PITPNM3: variants seen among roughly 807,000 people sequenced by gnomAD.
PITPNM3 encodes PITPNM family member 3.
Under a neutral mutation model 102.0 loss-of-function variants are expected in PITPNM3, and 26 were observed. The observed-to-expected ratio is 0.25, with a 90% CI of 0.19 to 0.35. PITPNM3 has a LOEUF of 0.35. Ranked by LOEUF, PITPNM3 falls within the 10% of genes least tolerant of loss-of-function variation. The pLI is 1.00. For missense variants in PITPNM3, 1,083 were observed against 1,346.1 expected (o/e 0.80, Z 3.06); for synonymous variants, 578 against 558.6 (o/e 1.03, Z -0.49).
Position 6,464,274 on chromosome 17 carries a change from T to A in PITPNM3, c.2052A>T (p.Val684=), listed in dbSNP as rs1308954254. The change falls in exon 16 of 20, where the codon GTA becomes GTT. Residue 684 remains valine, a synonymous_variant. Transcript: ENST00000262483. Reference sequence around the variant, plus strand: ...TGTTGGTGATCTCTGTGTCCAGGTGTACCCAGCGGCCTGAGGATGGCTCTG... The same window carrying A: ...TGTTGGTGATCTCTGTGTCCAGGTGAACCCAGCGGCCTGAGGATGGCTCTG... ...VMAEPSSGRW[V]HLDTEITNSS... 1 of 1,613,962 alleles carries A rather than the reference T, an allele frequency of 6.2e-7. No homozygotes were observed. The highest frequency in any genetic ancestry group is 8.5e-7 in the Non-Finnish European group (1 of 1,180,012).
intron 9 of PITPNM3, 110 bp downstream of exon 9, chr17:6,476,919 A>C: frequency 7.4e-7 from 1 of 1,360,128 alleles, no homozygotes. Context: ...CCAGCATTTC[A>C]GTGCTTATCT....
rs777202777 is a variant in PITPNM3 at position 6,455,657 on chromosome 17, G to A, written c.2620-14C>T. 1.8e-6 allele frequency: 2 copies of A among 1,118,592 alleles called. No homozygotes were observed. The highest frequency in any genetic ancestry group is 3.1e-5 in the Admixed American group (1 of 32,374). 69.3% of individuals were successfully genotyped at this position (1,118,592 alleles called of 1,614,324 possible). On this transcript the variant is annotated splice_polypyrimidine_tract_variant and intron_variant, in intron 19 of 19. Coordinates refer to ENST00000262483, the MANE Select transcript of PITPNM3 (RefSeq NM_031220.4). Reference sequence around the variant, plus strand: ...CTCGCTCAGGAACTGCGGAGGGCAGGGGAGGGCAGGGGAGGGCAGGGCAGG... The same window carrying A: ...CTCGCTCAGGAACTGCGGAGGGCAGAGGAGGGCAGGGGAGGGCAGGGCAGG...
At position 6,455,580 on chromosome 17, in the gene PITPNM3, T is replaced by C. The variant is rs1183756027; in HGVS notation, c.2683A>G (p.Lys895Glu). 2 of 1,597,558 alleles carry C rather than the reference T, an allele frequency of 1.3e-6. No homozygotes were observed. The highest frequency in any genetic ancestry group is 8.5e-7 in the Non-Finnish European group (1 of 1,178,380). The change falls in exon 20 of 20, where the codon AAG becomes GAG. Residue 895 changes from lysine to glutamate, a missense_variant. This residue lies in a region of PITPNM3 where 208 missense variants were observed against 178.2 expected (regional missense o/e 1.17). Transcript: ENST00000262483. Reference sequence around the variant, plus strand: ...AGGATCATGCGCGAGTTGTTCTTCTTTGGGCGTGAGCGGTGGCTGGCCTCC... The same window carrying C: ...AGGATCATGCGCGAGTTGTTCTTCTCTGGGCGTGAGCGGTGGCTGGCCTCC... ...ALEASHRSRP[K>E]KNNSRMILRK...
At chr17:6,551,299 G>A (rs549641841) in intron 1 of PITPNM3, among the ~76,000 whole-genome samples, 19 of 151,692 alleles carry the variant, frequency 1.3e-4, no homozygotes, top group Non-Finnish European at 2.8e-4. Context: ...GGAGCTTGCC[G>A]TGAGCTGAGC....
chr17:6,458,058 G>A lies in PITPNM3; in HGVS notation c.2491-336C>T, dbSNP rs1403214084. On this transcript the variant is annotated intron_variant, in intron 18 of 19. Coordinates refer to ENST00000262483, the MANE Select transcript of PITPNM3 (RefSeq NM_031220.4). The surrounding 1 kb of genome is among the most constrained non-coding windows in gnomAD (Gnocchi z 5.1). ...GAGTTCCAGGTTTCTGGCTCACAGGGCCAGGACTGGAGGCCAGTTCTGCCT... is the reference window on the plus strand; with the variant it reads ...GAGTTCCAGGTTTCTGGCTCACAGGACCAGGACTGGAGGCCAGTTCTGCCT... Among the ~76,000 whole-genome samples the A allele has an allele frequency of 6.6e-6, 1 of 152,134 alleles. No individual in the cohort carries two copies. Among genetic ancestry groups the A allele is most frequent in the Admixed American group, 6.5e-5 (1 of 15,288 alleles).
rs145659224 is a variant in PITPNM3, at chr17:6,544,229, G to A, written c.23-6147C>T. ...ATGGACTTAAGCAATCTGTGCCTCAGAAGAAGAAAGGGAGGCCAGGCATGG... is the reference window on the plus strand; with the variant it reads ...ATGGACTTAAGCAATCTGTGCCTCAAAAGAAGAAAGGGAGGCCAGGCATGG... On this transcript the variant is annotated intron_variant, in intron 1 of 19. Transcript: ENST00000262483. Among the ~76,000 whole-genome samples the A allele has an allele frequency of 3.9e-3, 601 of 152,340 alleles. 6 individuals carry two copies. Among genetic ancestry groups the A allele is most frequent in the African/African-American group, 0.013 (553 of 41,582 alleles).
intron 1 of PITPNM3, among the ~76,000 whole-genome samples, chr17:6,538,500 G>A (rs1179949959): frequency 6.6e-6 from 1 of 152,142 alleles, no homozygotes; most frequent in Non-Finnish European, 1.5e-5. Context: ...TCACTCATAA[G>A]TGCCACCACC....
intron 1 of PITPNM3, among the ~76,000 whole-genome samples, chr17:6,553,597 GCT>G (rs1310377976): frequency 6.6e-6 from 1 of 152,162 alleles, no homozygotes; most frequent in Admixed American, 6.5e-5. Flanking sequence ...GGGGCCCAAA[GCT>G]CTGCCTTTTC....
Position 6,471,210 on chromosome 17 carries a change from G to T in PITPNM3, c.1575C>A (p.Ser525Arg). The T allele has an allele frequency of 6.2e-7, 1 of 1,613,284 alleles. No homozygotes were observed. The change falls in exon 12 of 20, where the codon AGC becomes AGA. Residue 525 changes from serine (S) to arginine (R), a missense_variant. This residue lies in a region of PITPNM3 where 410 missense variants were observed against 638.4 expected (regional missense o/e 0.64). Coordinates refer to ENST00000262483, the MANE Select transcript of PITPNM3 (RefSeq NM_031220.4). ...GRRMSEGSSHSESSESSDSMA... is the reference protein window; with the variant it reads ...GRRMSEGSSHRESSESSDSMA... ...TGCTGTCCGAGGACTCCGAGCTCTC[G>T]CTGTGGGAGCTCCCCTCGCTCATCC...
chr17:6,545,111 C>T (rs948617683), intron 1 of PITPNM3, among the ~76,000 whole-genome samples: 13 of 152,176 alleles, frequency 8.5e-5, no homozygotes, highest in Admixed American at 2.0e-4. Flanking sequence ...CTTACCAATT[C>T]GTGATCTTAC....
In PITPNM3 at chr17:6,459,051, G is replaced by A. The variant is rs561934185; in HGVS notation, c.2491-1329C>T. Among the ~76,000 whole-genome samples, 61 of 152,260 alleles carry A rather than the reference G, an allele frequency of 4.0e-4. No homozygotes were observed. The highest frequency in any genetic ancestry group is 1.0e-3 in the South Asian group (5 of 4,834). ...CCAACTGGCCTTTGGCTCAGAGGAT[G>A]GAGCAGCCCCTCTTCGTCTGGCCCT... On this transcript the variant is annotated intron_variant, in intron 18 of 19. Coordinates refer to ENST00000262483, the MANE Select transcript of PITPNM3 (RefSeq NM_031220.4). The surrounding 1 kb of genome is among the most constrained non-coding windows in gnomAD (Gnocchi z 5.0).
intron 16 of PITPNM3, 140 bp from the exon 17 acceptor site, chr17:6,464,021 G>A (rs368939455): frequency 2.7e-5 from 42 of 1,530,298 alleles, no homozygotes; most frequent in Middle Eastern, 3.4e-4. Flanking sequence ...CTGATGCCAC[G>A]GCTGGTGACC....
intron 3 of PITPNM3, among the ~76,000 whole-genome samples, chr17:6,510,259 A>AG (rs1163215346): frequency 1.3e-5 from 2 of 152,124 alleles, no homozygotes; most frequent in Non-Finnish European, 2.9e-5. Context: ...ACAATCTATG[A>AG]GCTGTCATTT....
chr17:6,481,047 CT>C (rs1269166871), intron 6 of PITPNM3: 3 of 152,280 alleles, frequency 2.0e-5, no homozygotes, highest in African/African-American at 7.2e-5. Flanking sequence ...TCCCCACCAG[CT>C]GGGTTCCCTG....
At chr17:6,492,525 A>G (rs564901603) in intron 4 of PITPNM3, among the ~76,000 whole-genome samples, 8 of 152,348 alleles carry the variant, frequency 5.3e-5, no homozygotes, top group Admixed American at 3.3e-4. Flanking sequence ...ATAAATGTGG[A>G]ACATGATGAG....
At chr17:6,548,711 C>A (rs191791267) in intron 1 of PITPNM3, among the ~76,000 whole-genome samples, 2 of 152,228 alleles carry the variant, frequency 1.3e-5, no homozygotes, top group East Asian at 3.9e-4. Flanking sequence ...AGTCCCACAT[C>A]CTGCACACCT....
chr17:6,545,173 G>C (rs1909958526), intron 1 of PITPNM3, among the ~76,000 whole-genome samples: 1 of 152,300 alleles, frequency 6.6e-6, no homozygotes, highest in South Asian at 2.1e-4. Flanking sequence ...GTAAAACGGG[G>C]AGGATAATCA....
At chr17:6,518,786 A>G (rs564319944) in intron 3 of PITPNM3, among the ~76,000 whole-genome samples, 1 of 152,312 alleles carries the variant, frequency 6.6e-6, no homozygotes, top group Non-Finnish European at 1.5e-5. Context: ...ACAAATGAAC[A>G]ATGAGGGGAA....
intron 3 of PITPNM3, among the ~76,000 whole-genome samples, chr17:6,520,260 C>T (rs1908432058): frequency 3.3e-5 from 5 of 152,168 alleles, no homozygotes; most frequent in Non-Finnish European, 7.3e-5. Flanking sequence ...GGTTGGTGTG[C>T]AAATATAAAT....
Sources: gnomAD v4.1 joint callset for allele counts (sites outside exome capture counted in the v4.1 genomes callset) on GRCh38, gnomAD v4.1.1 for gene constraint, gnomAD v4.1.1 regional missense constraint, Gnocchi (gnomAD v3.1) non-coding constraint, MANE v1.5 for transcripts, NCBI Gene and HGNC (gene_info 2026-07-23, HGNC 2026-07-21) for gene names.